Variants in PGBD5 observed in about 807,000 individuals in gnomAD.
PGBD5 encodes piggyBac transposable element-derived protein 5.
A neutral mutation model predicts 47.9 loss-of-function variants in PGBD5; 14 were observed. That is an observed-to-expected ratio of 0.29 (90% CI 0.19 to 0.46). PGBD5 has a LOEUF of 0.46. Among genes scored for constraint, PGBD5 ranks in the 20% least tolerant of loss-of-function variants. PGBD5 has a pLI of 1.00. For missense variants in PGBD5, 635 were observed against 716.0 expected (o/e 0.89, Z 1.29); for synonymous variants, 316 against 306.3 (o/e 1.03, Z -0.33).
chr1:230,384,559 G>A (rs1479509788), intron 1 of PGBD5, among the ~76,000 whole-genome samples: 3 of 152,124 alleles, frequency 2.0e-5, no homozygotes, highest in Non-Finnish European at 2.9e-5. Context: ...AGCCATAGGT[G>A]CCCTCAGTTC....
At chr1:230,407,844 C>T (rs1330943309) in intron 1 of PGBD5, among the ~76,000 whole-genome samples, 4 of 152,198 alleles carry the variant, frequency 2.6e-5, no homozygotes, top group Admixed American at 2.6e-4. Flanking sequence ...GGGGCAACAT[C>T]TGAAATTTAC....
At chr1:230,396,754 G>A (rs1052585354) in intron 1 of PGBD5, among the ~76,000 whole-genome samples, 29 of 152,000 alleles carry the variant, frequency 1.9e-4, no homozygotes, top group Admixed American at 5.9e-4. Flanking sequence ...ATGAGATCCC[G>A]GCAGGCCACT....
chr1:230,412,072 A>C (rs1657421533), intron 1 of PGBD5, among the ~76,000 whole-genome samples: 1 of 152,202 alleles, frequency 6.6e-6, no homozygotes, highest in Admixed American at 6.5e-5. Flanking sequence ...AGTTTTCTAC[A>C]TGGGTTATGT....
intron 1 of PGBD5, among the ~76,000 whole-genome samples, chr1:230,369,622 CTG>C (rs1558202385): frequency 6.6e-6 from 1 of 150,590 alleles, no homozygotes; most frequent in Non-Finnish European, 1.5e-5. Flanking sequence ...TACTCCGTGT[CTG>C]TGTGTGTGCT....
At chr1:230,391,192 G>C (rs1198643473) in intron 1 of PGBD5, among the ~76,000 whole-genome samples, 1 of 152,126 alleles carries the variant, frequency 6.6e-6, no homozygotes, top group Non-Finnish European at 1.5e-5. Context: ...CCAGCCTGTC[G>C]CTGTGGCTGA....
chr1:230,376,471 G>C (rs1353557609), intron 1 of PGBD5, among the ~76,000 whole-genome samples: 3 of 152,182 alleles, frequency 2.0e-5, no homozygotes, highest in African/African-American at 7.2e-5. Flanking sequence ...GGCACCAACA[G>C]CCTGGGTGTC....
intron 1 of PGBD5, among the ~76,000 whole-genome samples, chr1:230,371,850 C>T (rs898123146): frequency 2.0e-5 from 3 of 152,214 alleles, no homozygotes; most frequent in East Asian, 1.9e-4. Flanking sequence ...GATTCCTTCC[C>T]GCATGATGCT....
intron 1 of PGBD5, among the ~76,000 whole-genome samples, chr1:230,423,092 C>T (rs1279522034): frequency 1.3e-5 from 2 of 151,966 alleles, no homozygotes; most frequent in African/African-American, 2.4e-5. Context: ...TACATACACA[C>T]ATTTACATAC....
At chr1:230,384,778 C>T (rs950473788) in intron 1 of PGBD5, among the ~76,000 whole-genome samples, 21 of 152,170 alleles carry the variant, frequency 1.4e-4, no homozygotes, top group African/African-American at 5.1e-4. Flanking sequence ...ATTCTCTGCA[C>T]TCAGGTGCTT....
At chr1:230,389,224 A>G (rs1389786655) in intron 1 of PGBD5, among the ~76,000 whole-genome samples, 3 of 147,840 alleles carry the variant, frequency 2.0e-5, no homozygotes, top group African/African-American at 7.6e-5. Flanking sequence ...CCCAGGCTGG[A>G]GTGCAGTGGC....
chr1:230,334,258 AC>A (rs1393335634), intron 4 of PGBD5, among the ~76,000 whole-genome samples: 1 of 152,128 alleles, frequency 6.6e-6, no homozygotes, highest in Non-Finnish European at 1.5e-5. Flanking sequence ...ATTCCTAGCA[AC>A]CGCACGTGAC....
In PGBD5 at chr1:230,367,962, C is replaced by T. The variant is rs191821686; in HGVS notation, c.332-10641G>A. 3.7e-6 allele frequency: 5 copies of T among 1,366,450 alleles called. No individual in the cohort carries two copies. The Admixed American group carries it at 9.5e-5, about 26-fold the overall frequency. The allele number at this position is 1,366,450 out of a possible 1,614,324, so 84.6% of individuals were successfully genotyped here. ...ACGCAAGCTGGCACACCAAGGAGCT[C>T]AAGGTCCTGCAAGCTGGACACCAAG... is the stretch of plus-strand genomic sequence containing the variant. On this transcript the variant is annotated intron_variant, in intron 1 of 6. Coordinates refer to ENST00000391860, the MANE Select transcript of PGBD5 (RefSeq NM_001258311.2).
At chr1:230,352,619 A>G (rs1667575802) in intron 2 of PGBD5, among the ~76,000 whole-genome samples, 2 of 152,148 alleles carry the variant, frequency 1.3e-5, no homozygotes, top group African/African-American at 2.4e-5. Flanking sequence ...TAATGGACAC[A>G]TGGGGACATC....
At chr1:230,392,495 T>A (rs1297041788) in intron 1 of PGBD5, among the ~76,000 whole-genome samples, 1 of 152,230 alleles carries the variant, frequency 6.6e-6, no homozygotes, top group Admixed American at 6.5e-5. Context: ...AGCTGAGTTA[T>A]AAAGCACCCG....
At chr1:230,407,829 T>A (rs1657329995) in intron 1 of PGBD5, among the ~76,000 whole-genome samples, 1 of 152,216 alleles carries the variant, frequency 6.6e-6, no homozygotes, top group Non-Finnish European at 1.5e-5. Context: ...GTAAAAATTA[T>A]AATCGGGGCA....
rs1667006435 is a variant in PGBD5 at position 230,319,690 on chromosome 1, T to A, written c.*3735A>T. 1 of 152,138 alleles carries A rather than the reference T, an allele frequency of 6.6e-6. No homozygotes were observed. The highest frequency in any genetic ancestry group is 2.1e-4 in the South Asian group (1 of 4,822). The allele number at this position is 152,138 out of a possible 1,614,324, so 9.4% of individuals were successfully genotyped here. A position where few individuals can be genotyped will look rare whatever the true frequency, so the allele number is the denominator to read the frequency against. On this transcript the variant is annotated 3_prime_UTR_variant, in exon 7 of 7. Coordinates refer to ENST00000391860, the MANE Select transcript of PGBD5 (RefSeq NM_001258311.2). ...TTGCACGCAGCAGAGTTAACTCAAT[T>A]TTGGTGACCAAGCCTCATCTGATTT...
intron 1 of PGBD5, among the ~76,000 whole-genome samples, chr1:230,376,510 G>C (rs1250464351): frequency 9.9e-5 from 15 of 152,176 alleles, no homozygotes; most frequent in Non-Finnish European, 1.3e-4. Context: ...TGTGTATCCT[G>C]CATGAGATGC....
intron 1 of PGBD5, among the ~76,000 whole-genome samples, chr1:230,358,176 G>A (rs148063274): frequency 0.011 from 1,652 of 152,138 alleles, 13 homozygotes; most frequent in Non-Finnish European, 0.015. Flanking sequence ...ATCACACAGG[G>A]CTCCTCCCTC....
intron 1 of PGBD5, among the ~76,000 whole-genome samples, chr1:230,397,527 A>G (rs1274385987): frequency 6.6e-6 from 1 of 152,244 alleles, no homozygotes; most frequent in Non-Finnish European, 1.5e-5. Flanking sequence ...AATTAATCCA[A>G]GCAAGAGGAG....
Sources: gnomAD v4.1 joint callset for allele counts (sites outside exome capture counted in the v4.1 genomes callset) on GRCh38, gnomAD v4.1.1 for gene constraint, MANE v1.5 for transcripts, NCBI Gene and HGNC (gene_info 2026-07-23, HGNC 2026-07-21) for gene names.